CDH13: variants seen among roughly 807,000 people sequenced by gnomAD.
The protein encoded by CDH13 is cadherin-13.
CDH13 carries 24 observed loss-of-function variants against 63.8 expected under a neutral mutation model. That is an observed-to-expected ratio of 0.38 (90% CI 0.27 to 0.53). The LOEUF is 0.53. Among genes scored for constraint, CDH13 ranks in the 20% least tolerant of loss-of-function variants. CDH13 has a pLI of 0.85. For missense variants in CDH13, 1,049 were observed against 903.1 expected, an observed-to-expected ratio of 1.16 and a Z score of -2.07; for synonymous variants, 503 against 355.3, an observed-to-expected ratio of 1.42 and a Z score of -4.67.
intron 6 of CDH13, among the ~76,000 whole-genome samples, chr16:83,406,448 C>T (rs1301506753): frequency 6.7e-6 from 1 of 150,298 alleles, no homozygotes; most frequent in South Asian, 2.1e-4. Context: ...GTCTCTCTCC[C>T]CTTTCTCTTT....
chr16:82,847,837 G>A (rs570516386), intron 1 of CDH13, among the ~76,000 whole-genome samples: 3 of 151,262 alleles, frequency 2.0e-5, no homozygotes, highest in East Asian at 3.9e-4. Flanking sequence ...TTGGACTTAG[G>A]TTAGTTTTGG....
rs1298594969 is a variant in CDH13, at chr16:83,706,409, A to G, written c.1538+27948A>G. ...GAACTAGACTCCACCTGTGAACGAG[A>G]GGAGCGTCAGAAATATTAGCATGGC... On this transcript the variant is annotated intron_variant, in intron 10 of 13. Coordinates refer to ENST00000567109, the MANE Select transcript of CDH13 (RefSeq NM_001257.5). Among the ~76,000 whole-genome samples, 3 of 152,200 alleles carry G rather than the reference A, an allele frequency of 2.0e-5. No individual in the cohort carries two copies. In the East Asian group the frequency reaches 5.8e-4, roughly 29 times the overall value.
At chr16:82,973,138 C>G (rs960464541) in intron 2 of CDH13, among the ~76,000 whole-genome samples, 1 of 152,234 alleles carries the variant, frequency 6.6e-6, no homozygotes, top group Non-Finnish European at 1.5e-5. Flanking sequence ...TAAATGCTGT[C>G]TTACAATCTC....
chr16:82,928,887 G>A (rs1463093941), intron 2 of CDH13, among the ~76,000 whole-genome samples: 1 of 152,114 alleles, frequency 6.6e-6, no homozygotes, highest in African/African-American at 2.4e-5. Flanking sequence ...ATTCTTCTGT[G>A]TATTGATAAA....
At chr16:83,756,864 T>C (rs1157805534) in intron 11 of CDH13, among the ~76,000 whole-genome samples, 2 of 152,160 alleles carry the variant, frequency 1.3e-5, no homozygotes, top group African/African-American at 2.4e-5. Flanking sequence ...ATCTCTCATA[T>C]CAGCTTCAAG....
intron 7 of CDH13, among the ~76,000 whole-genome samples, chr16:83,549,134 A>T (rs1295416290): frequency 6.6e-6 from 1 of 152,138 alleles, no homozygotes; most frequent in East Asian, 1.9e-4. Flanking sequence ...CTCGGTTCAC[A>T]TGTCGTTAAC....
intron 6 of CDH13, among the ~76,000 whole-genome samples, chr16:83,415,467 A>T (rs1271885382): frequency 6.6e-6 from 1 of 152,188 alleles, no homozygotes; most frequent in Non-Finnish European, 1.5e-5. Flanking sequence ...ACAAGAAAAG[A>T]AAACAAAAGA....
intron 4 of CDH13, among the ~76,000 whole-genome samples, chr16:83,152,987 T>G (rs2037053195): frequency 1.3e-5 from 2 of 152,160 alleles, no homozygotes; most frequent in African/African-American, 4.8e-5. Flanking sequence ...GAACAGACAG[T>G]AACCACCAAA....
chr16:83,505,331 C>T (rs948544058), intron 7 of CDH13, among the ~76,000 whole-genome samples: 1 of 152,138 alleles, frequency 6.6e-6, no homozygotes, highest in Non-Finnish European at 1.5e-5. Flanking sequence ...CTGGACAACA[C>T]TAGGACTCAG....
At chr16:82,673,973 A>T (rs767032758) in intron 1 of CDH13, among the ~76,000 whole-genome samples, 2 of 152,214 alleles carry the variant, frequency 1.3e-5, no homozygotes, top group Admixed American at 6.5e-5. Flanking sequence ...CTATGGAACA[A>T]AAGTGTTCTT....
chr16:83,629,197 T>A (rs957612576), intron 8 of CDH13, among the ~76,000 whole-genome samples: 4 of 152,362 alleles, frequency 2.6e-5, no homozygotes, highest in African/African-American at 9.6e-5. Context: ...GTTAAGCATA[T>A]GTTTCATACC....
chr16:83,609,466 TG>T (rs1908661066), intron 8 of CDH13, among the ~76,000 whole-genome samples: 2 of 152,358 alleles, frequency 1.3e-5, no homozygotes, highest in South Asian at 4.1e-4. Context: ...TTATCTTTAT[TG>T]GAGTGAGCAT....
chr16:82,790,710 C>T (rs1181942231), intron 1 of CDH13, among the ~76,000 whole-genome samples: 3 of 152,140 alleles, frequency 2.0e-5, no homozygotes, highest in African/African-American at 4.8e-5. Context: ...ACAATCATAG[C>T]AGTGGCAGAA....
At chr16:83,359,146 G>C (rs1445400711) in intron 6 of CDH13, among the ~76,000 whole-genome samples, 3 of 152,120 alleles carry the variant, frequency 2.0e-5, no homozygotes, top group Admixed American at 1.3e-4. Flanking sequence ...TCATCAGGGA[G>C]ATCAATGTAT....
chr16:83,107,806 T>TTCTTTTC (rs1475387314), intron 3 of CDH13, among the ~76,000 whole-genome samples: 1 of 152,012 alleles, frequency 6.6e-6, no homozygotes, highest in Non-Finnish European at 1.5e-5. Context: ...CTTTTCTTTT[T>TTCTTTTC]TCTTTTCTTT....
intron 8 of CDH13, among the ~76,000 whole-genome samples, chr16:83,622,070 A>G (rs1008026543): frequency 2.0e-5 from 3 of 152,196 alleles, no homozygotes; most frequent in Non-Finnish European, 4.4e-5. Flanking sequence ...CCATATAAAT[A>G]ACTTTTCGAA....
intron 7 of CDH13, among the ~76,000 whole-genome samples, chr16:83,499,489 T>C (rs892332848): frequency 6.6e-6 from 1 of 152,230 alleles, no homozygotes; most frequent in East Asian, 1.9e-4. Context: ...CATCATTAGC[T>C]TGAACAACCA....
intron 2 of CDH13, among the ~76,000 whole-genome samples, chr16:82,997,104 G>C (rs1436673310): frequency 6.7e-6 from 1 of 149,556 alleles, no homozygotes; most frequent in Non-Finnish European, 1.5e-5. Flanking sequence ...GATGGTGATG[G>C]TAGTGGTGGT....
At chr16:82,822,737 C>T (rs547739208) in intron 1 of CDH13, among the ~76,000 whole-genome samples, 1 of 152,344 alleles carries the variant, frequency 6.6e-6, no homozygotes, top group South Asian at 2.1e-4. Context: ...TCAAGCCATC[C>T]TCCCACCTTG....
Sources: gnomAD v4.1 joint callset for allele counts (sites outside exome capture counted in the v4.1 genomes callset) on GRCh38, gnomAD v4.1.1 for gene constraint, MANE v1.5 for transcripts, NCBI Gene and HGNC (gene_info 2026-07-23, HGNC 2026-07-21) for gene names.